The following ZBBX variants were observed in gnomAD, a reference collection of about 807,000 sequenced individuals.
The protein encoded by ZBBX is zinc finger B-box domain-containing protein 1.
A neutral mutation model predicts 108.5 loss-of-function variants in ZBBX; 101 were observed. That is an observed-to-expected ratio of 0.93 (90% CI 0.79 to 1.10). The LOEUF (loss-of-function observed/expected upper bound fraction) is 1.10. ZBBX is among the 50% of genes least tolerant of loss of function. The pLI is 0.00. For missense variants in ZBBX, 1,009 were observed against 941.4 expected (o/e 1.07, Z -0.94); for synonymous variants, 356 against 323.4 (o/e 1.10, Z -1.08).
At chr3:167,374,005 C>T (rs1746567182) in intron 2 of ZBBX, among the ~76,000 whole-genome samples, 1 of 152,170 alleles carries the variant, frequency 6.6e-6, no homozygotes, top group Non-Finnish European at 1.5e-5. Context: ...AACTAAAGCA[C>T]ATATTCTGGC....
At chr3:167,343,197 C>T (rs1275719542) in intron 9 of ZBBX, among the ~76,000 whole-genome samples, 2 of 151,728 alleles carry the variant, frequency 1.3e-5, no homozygotes, top group African/African-American at 2.4e-5. Context: ...TCACAATAGC[C>T]CTGCAAGCTT....
chr3:167,274,700 C>T (rs1319496940), intron 20 of ZBBX, among the ~76,000 whole-genome samples: 2 of 152,306 alleles, frequency 1.3e-5, no homozygotes, highest in African/African-American at 2.4e-5. Flanking sequence ...CTGTACCCAT[C>T]GTTCCCTTGA....
chr3:167,407,142 C>A (rs1344993692), intron 1 of ZBBX, among the ~76,000 whole-genome samples: 8 of 152,110 alleles, frequency 5.3e-5, no homozygotes, highest in Non-Finnish European at 1.0e-4. Context: ...TCCAGCATTT[C>A]AAAAACCTCA....
chr3:167,236,447 A>C (rs1452363964), downstream of ZBBX, among the ~76,000 whole-genome samples: 1 of 151,796 alleles, frequency 6.6e-6, no homozygotes, highest in Non-Finnish European at 1.5e-5. Flanking sequence ...CAGTTGCAAA[A>C]GTGTTTTTGA....
At chr3:167,235,831 C>T (rs1412534383), downstream of ZBBX, among the ~76,000 whole-genome samples, 3 of 151,586 alleles carry the variant, frequency 2.0e-5, no homozygotes, top group Non-Finnish European at 4.4e-5. Flanking sequence ...ACTCATAATC[C>T]TGTTTGCAAC....
rs1189598782 is a variant in ZBBX, at chr3:167,298,370, CT to C, written c.1813del (p.Arg605AspfsTer10). The C allele has an allele frequency of 6.2e-7, 1 of 1,600,028 alleles. No individual in the cohort carries two copies. The highest frequency in any genetic ancestry group is 1.3e-5 in the African/African-American group (1 of 74,560). On this transcript the variant is annotated frameshift_variant, in exon 18 of 22. Transcript: ENST00000675490. LOFTEE classifies it high-confidence loss of function. ...ERFFIFDTNE[R>X]LNLLPSHRLE... ...ACGATGAGAAGGAAGTAAGTTGAGT[CT>C]TTCATTTGTATCAAAAATAAAGAAT...
At chr3:167,208,158 A>G in the ZBBX span, among the ~76,000 whole-genome samples, 1 of 152,144 alleles carries the variant, frequency 6.6e-6, no homozygotes, top group Non-Finnish European at 1.5e-5. Flanking sequence ...CAGTGGTTGA[A>G]ACTTAAGTTC....
Position 167,346,934 on chromosome 3 carries a change from C to A in ZBBX, c.528+3486G>T, listed in dbSNP as rs147253103. Among the ~76,000 whole-genome samples, 250 of 151,766 alleles carry A rather than the reference C, an allele frequency of 1.6e-3. 1 individual carries two copies. Among genetic ancestry groups the A allele is most frequent in the African/African-American group, 4.8e-3 (198 of 41,434 alleles). On this transcript the variant is annotated intron_variant, in intron 9 of 21. Coordinates refer to ENST00000675490, the MANE Select transcript of ZBBX (RefSeq NM_001199201.2). ...GAGCTACAAGACAATTGATTAAAAT[C>A]AAGAAATGATGACAGAGAATGGGCA...
At chr3:167,348,657 A>G (rs1376975154) in intron 9 of ZBBX, among the ~76,000 whole-genome samples, 2 of 152,110 alleles carry the variant, frequency 1.3e-5, no homozygotes, top group Non-Finnish European at 2.9e-5. Context: ...GAAAGGGAGT[A>G]GAGAGAGTCT....
At chr3:167,286,299 C>T (rs796116443) in intron 19 of ZBBX, among the ~76,000 whole-genome samples, 27 of 152,176 alleles carry the variant, frequency 1.8e-4, no homozygotes, top group African/African-American at 6.3e-4. Context: ...GGTAGCCAAC[C>T]AAGGTGTTGC....
At chr3:167,300,637 T>C (rs1732492481) in intron 17 of ZBBX, among the ~76,000 whole-genome samples, 4 of 140,358 alleles carry the variant, frequency 2.8e-5, no homozygotes, top group African/African-American at 5.4e-5. Flanking sequence ...GAGATAAGAG[T>C]CTCACCCTGT....
Position 167,300,600 on chromosome 3 carries a change from C to T in ZBBX, c.1726-2142G>A, listed in dbSNP as rs58416790. ...AGCCACACACACATTCCCATCTCCCCCACCAACCCTTTTTTTTTTTTTTTA... is the reference window on the plus strand; with the variant it reads ...AGCCACACACACATTCCCATCTCCCTCACCAACCCTTTTTTTTTTTTTTTA... On this transcript the variant is annotated intron_variant, in intron 17 of 21. Coordinates refer to ENST00000675490, the MANE Select transcript of ZBBX (RefSeq NM_001199201.2). Among the ~76,000 whole-genome samples, 322 of 150,954 alleles carry T rather than the reference C, an allele frequency of 2.1e-3. 2 individuals are homozygous for T. Among genetic ancestry groups the T allele is most frequent in the Middle Eastern group, 0.01 (3 of 294 alleles).
chr3:167,249,801 A>G (rs1722255437), intron 20 of ZBBX, among the ~76,000 whole-genome samples: 1 of 152,194 alleles, frequency 6.6e-6, no homozygotes, highest in Non-Finnish European at 1.5e-5. Context: ...GCTTTCTTTC[A>G]TATATAGCGT....
chr3:167,256,805 C>T (rs576697596), intron 20 of ZBBX, among the ~76,000 whole-genome samples: 31 of 152,196 alleles, frequency 2.0e-4, no homozygotes, highest in Non-Finnish European at 3.7e-4. Flanking sequence ...GACTGGATCT[C>T]ATTCTCTTTT....
chr3:167,369,292 T>A (rs1481113990), intron 4 of ZBBX, among the ~76,000 whole-genome samples: 1 of 152,218 alleles, frequency 6.6e-6, no homozygotes, highest in Non-Finnish European at 1.5e-5. Context: ...AATCTCTTCC[T>A]TCAATATTAC....
At chr3:167,235,483 A>T (rs1414417052), downstream of ZBBX, among the ~76,000 whole-genome samples, 1 of 151,564 alleles carries the variant, frequency 6.6e-6, no homozygotes, top group East Asian at 1.9e-4. Context: ...AGCATTTGTA[A>T]CTAGAATGTG....
upstream of ZBBX, among the ~76,000 whole-genome samples, chr3:167,384,264 T>G (rs1428552467): frequency 6.6e-6 from 1 of 152,036 alleles, no homozygotes; most frequent in East Asian, 1.9e-4. Context: ...CTTGAATAAA[T>G]CAAGGCAGAG....
At chr3:167,207,843 T>G in the ZBBX span, among the ~76,000 whole-genome samples, 7 of 152,070 alleles carry the variant, frequency 4.6e-5, no homozygotes, top group African/African-American at 1.7e-4. Flanking sequence ...AGCATGTTCA[T>G]AAGAACCAAA....
chr3:167,348,352 GAAAGAAAGAAAGAAAGA>G, intron 9 of ZBBX, among the ~76,000 whole-genome samples: 1 of 103,818 alleles, frequency 9.6e-6, no homozygotes, highest in Non-Finnish European at 1.9e-5. Flanking sequence ...AAGAAAGAAA[GAAAGAAAGAAAGAAAGA>G]AAAAAAAGAA....
Sources: allele counts gnomAD v4.1 joint callset (sites outside exome capture counted in the v4.1 genomes callset), GRCh38; gene constraint gnomAD v4.1.1; transcripts MANE v1.5; gene names NCBI Gene and HGNC (gene_info 2026-07-23, HGNC 2026-07-21).